FBXL7: variants seen among roughly 807,000 people sequenced by gnomAD.
The protein encoded by FBXL7 is F-box and leucine rich repeat protein 7, also known as F-box/LRR-repeat protein 7.
FBXL7 carries 12 observed loss-of-function variants against 38.3 expected under a neutral mutation model. The ratio of observed to expected loss-of-function variants is 0.31; its 90% CI spans 0.20 to 0.51. FBXL7 has a LOEUF of 0.51. Among genes scored for constraint, FBXL7 ranks in the 20% least tolerant of loss-of-function variants. The pLI, the probability that FBXL7 is intolerant of heterozygous loss-of-function variation, is 0.98. For synonymous variants in FBXL7, 297 were observed against 300.9 expected (o/e 0.99, Z 0.13); for missense variants, 567 against 676.4 (o/e 0.84, Z 1.79).
intron 2 of FBXL7, among the ~76,000 whole-genome samples, chr5:15,820,883 C>T (rs1738150904): frequency 6.6e-6 from 1 of 152,172 alleles, no homozygotes; most frequent in Non-Finnish European, 1.5e-5. Flanking sequence ...AAACTCCACC[C>T]TTGCTCTGGC....
chr5:15,679,189 C>G (rs1054535408), intron 2 of FBXL7, among the ~76,000 whole-genome samples: 3 of 152,162 alleles, frequency 2.0e-5, no homozygotes, highest in African/African-American at 7.2e-5. Flanking sequence ...GCTATCTACG[C>G]CTCTGCTGGG....
At chr5:15,747,018 C>T (rs1736033024) in intron 2 of FBXL7, among the ~76,000 whole-genome samples, 1 of 152,058 alleles carries the variant, frequency 6.6e-6, no homozygotes, top group African/African-American at 2.4e-5. Flanking sequence ...ACAGAGAGTG[C>T]TTGTTCATGG....
intron 1 of FBXL7, among the ~76,000 whole-genome samples, chr5:15,529,614 T>G (rs1035634960): frequency 6.6e-5 from 10 of 152,126 alleles, no homozygotes; most frequent in African/African-American, 2.4e-4. Context: ...GGTCGCGATC[T>G]CCTGACCTCG....
At chr5:15,842,131 A>G (rs1738765853) in intron 2 of FBXL7, among the ~76,000 whole-genome samples, 2 of 152,220 alleles carry the variant, frequency 1.3e-5, no homozygotes, top group South Asian at 4.1e-4. Context: ...ACTCAACGCC[A>G]TCAGTGAAAG....
chr5:15,710,241 C>T (rs1743819604), intron 2 of FBXL7, among the ~76,000 whole-genome samples: 1 of 152,154 alleles, frequency 6.6e-6, no homozygotes, highest in Non-Finnish European at 1.5e-5. Context: ...GGCTGAGCCA[C>T]GCACACCCTC....
chr5:15,718,895 T>C (rs938310742), intron 2 of FBXL7, among the ~76,000 whole-genome samples: 1 of 152,224 alleles, frequency 6.6e-6, no homozygotes, highest in Non-Finnish European at 1.5e-5. Context: ...ATTTGTGGCC[T>C]TTGCCCAAAG....
At chr5:15,669,816 A>C (rs1283924141) in intron 2 of FBXL7, among the ~76,000 whole-genome samples, 1 of 152,192 alleles carries the variant, frequency 6.6e-6, no homozygotes, top group East Asian at 1.9e-4. Context: ...TGAATGTTGC[A>C]GTAAATTATA....
rs191668982 is a variant in FBXL7 at position 15,522,831 on chromosome 5, A to G, written c.37+22118A>G. ...TCTTTCTACTTTGAGAAAATTCTGT[A>G]TAATTCTTACAACATTCTAGCAAAA... is the stretch of plus-strand genomic sequence containing the variant. On this transcript the variant is annotated intron_variant, in intron 1 of 3. Coordinates refer to ENST00000504595, the MANE Select transcript of FBXL7 (RefSeq NM_012304.5). Among the ~76,000 whole-genome samples, 62 of 152,350 alleles carry G rather than the reference A, an allele frequency of 4.1e-4. 1 individual carries two copies. Among genetic ancestry groups the G allele is most frequent in the Non-Finnish European group, 7.9e-4 (54 of 68,034 alleles).
chr5:15,923,714 T>C (rs1461964311), intron 2 of FBXL7, among the ~76,000 whole-genome samples: 1 of 152,130 alleles, frequency 6.6e-6, no homozygotes, highest in African/African-American at 2.4e-5. Context: ...TTCCCTGAGG[T>C]TGTTGGCCTG....
chr5:15,830,703 T>C (rs1018853947), intron 2 of FBXL7, among the ~76,000 whole-genome samples: 10 of 152,196 alleles, frequency 6.6e-5, no homozygotes, highest in African/African-American at 2.4e-4. Context: ...CTTGCATTAT[T>C]AGTGAGGTTG....
At chr5:15,802,479 C>CCAA (rs1257139658) in intron 2 of FBXL7, among the ~76,000 whole-genome samples, 1 of 151,922 alleles carries the variant, frequency 6.6e-6, no homozygotes, top group Non-Finnish European at 1.5e-5. Flanking sequence ...TCTCCTTTGA[C>CCAA]CATGCTAGCT....
At chr5:15,630,245 A>G (rs561558885) in intron 2 of FBXL7, among the ~76,000 whole-genome samples, 24 of 108,028 alleles carry the variant, frequency 2.2e-4, no homozygotes, top group African/African-American at 7.5e-4. Context: ...CTCCCACATC[A>G]ATTTCAAGGA....
chr5:15,579,983 T>G (rs1447320648), intron 1 of FBXL7, among the ~76,000 whole-genome samples: 1 of 152,206 alleles, frequency 6.6e-6, no homozygotes, highest in Non-Finnish European at 1.5e-5. Context: ...GTGTTACTTC[T>G]GGGCATTTTA....
At chr5:15,873,506 A>G (rs1056915613) in intron 2 of FBXL7, among the ~76,000 whole-genome samples, 12 of 152,168 alleles carry the variant, frequency 7.9e-5, no homozygotes, top group African/African-American at 2.4e-4. Flanking sequence ...AGCAAAATAG[A>G]TAGACCACTA....
intron 2 of FBXL7, among the ~76,000 whole-genome samples, chr5:15,732,980 A>C (rs1214881646): frequency 6.6e-6 from 1 of 152,222 alleles, no homozygotes; most frequent in African/African-American, 2.4e-5. Flanking sequence ...AAAAGAAGTC[A>C]AACTATCCAG....
intron 2 of FBXL7, among the ~76,000 whole-genome samples, chr5:15,708,946 C>T (rs1442346752): frequency 6.6e-6 from 1 of 152,080 alleles, no homozygotes; most frequent in East Asian, 1.9e-4. Context: ...GAGTTGTTGT[C>T]CCAGAAAATG....
At chr5:15,820,779 C>A (rs1738148178) in intron 2 of FBXL7, among the ~76,000 whole-genome samples, 1 of 152,078 alleles carries the variant, frequency 6.6e-6, no homozygotes, top group Non-Finnish European at 1.5e-5. Context: ...CGGTTCTGGA[C>A]CCTGACTCTA....
chr5:15,699,584 T>G (rs1743460079), intron 2 of FBXL7, among the ~76,000 whole-genome samples: 1 of 152,206 alleles, frequency 6.6e-6, no homozygotes, highest in Non-Finnish European at 1.5e-5. Context: ...CTTCTGAGGT[T>G]CTTTTTGAAA....
chr5:15,905,741 C>T (rs1741342070), intron 2 of FBXL7, among the ~76,000 whole-genome samples: 1 of 151,964 alleles, frequency 6.6e-6, no homozygotes, highest in African/African-American at 2.4e-5. Context: ...AGTGGTCTGC[C>T]CATCAGAAAA....
Sources: gnomAD v4.1 joint callset for allele counts (sites outside exome capture counted in the v4.1 genomes callset) on GRCh38, gnomAD v4.1.1 for gene constraint, MANE v1.5 for transcripts, NCBI Gene and HGNC (gene_info 2026-07-23, HGNC 2026-07-21) for gene names.